The following SRGAP2B variants were observed in gnomAD, a reference collection of about 807,000 sequenced individuals.
SRGAP2B encodes SLIT-ROBO Rho GTPase-activating protein 2B.
Under a neutral mutation model 22.2 loss-of-function variants are expected in SRGAP2B, and 9 were observed. That is an observed-to-expected ratio of 0.41 (90% confidence interval 0.24 to 0.71). SRGAP2B has a LOEUF of 0.71. Ranked by LOEUF, SRGAP2B falls within the 30% of genes least tolerant of loss-of-function variation. The pLI is 0.35. For missense variants in SRGAP2B, 114 were observed against 235.8 expected (o/e 0.48, Z 3.38); for synonymous variants, 36 against 87.4 (o/e 0.41, Z 3.28).
intron 3 of SRGAP2B, chr1:144,965,264 T>A: frequency 2.1e-6 from 1 of 481,628 alleles, no homozygotes; most frequent in Non-Finnish European, 3.8e-6. Context: ...AAGAGAGCAG[T>A]GGTTCTCCCA....
intron 4 of SRGAP2B, among the ~76,000 whole-genome samples, chr1:144,944,586 C>CAAAAAAA (rs3061760): frequency 1.7e-4 from 3 of 17,918 alleles, no homozygotes; most frequent in African/African-American, 6.7e-4. Flanking sequence ...GTCTCCATCT[C>CAAAAAAA]AAAAAAAAAA....
intron 3 of SRGAP2B, among the ~76,000 whole-genome samples, chr1:144,985,536 T>C (rs2102086176): frequency 6.6e-6 from 1 of 151,030 alleles, no homozygotes; most frequent in East Asian, 1.9e-4. Flanking sequence ...CAATGCATTA[T>C]CAATTAGAGT....
At chr1:145,023,064 C>A (rs1252979864) in intron 2 of SRGAP2B, among the ~76,000 whole-genome samples, 1 of 149,204 alleles carries the variant, frequency 6.7e-6, no homozygotes, top group Non-Finnish European at 1.5e-5. Flanking sequence ...ACTTGGGAGG[C>A]TGAGGCAGGA....
chr1:144,922,605 A>G (rs1396930764), intron 4 of SRGAP2B, among the ~76,000 whole-genome samples: 1 of 150,746 alleles, frequency 6.6e-6, no homozygotes, highest in Non-Finnish European at 1.5e-5. Flanking sequence ...TGATGAAGGT[A>G]GGGGTGGCAG....
chr1:145,076,145 A>C (rs1328608174), intron 2 of SRGAP2B, among the ~76,000 whole-genome samples: 3 of 150,022 alleles, frequency 2.0e-5, no homozygotes, highest in African/African-American at 7.5e-5. Context: ...TGCAAAACCT[A>C]CTTTTCTATC....
rs1404343663 is a variant in SRGAP2B, at chr1:144,912,174, G to A, written c.486+2518C>T. Among the ~76,000 whole-genome samples, 60 of 146,218 alleles carry A rather than the reference G, an allele frequency of 4.1e-4. 3 individuals are homozygous for A. Among genetic ancestry groups the A allele is most frequent in the African/African-American group, 1.4e-3 (52 of 37,938 alleles). On this transcript the variant is annotated intron_variant, in intron 5 of 9. Transcript: ENST00000612199. ...TCACCGTGTTAGCCAGGATGGTCTC[G>A]ATCTCCTGACCTCGTGATCTGCCTG...
chr1:144,907,704 C>T lies in SRGAP2B; in HGVS notation c.487-1630G>A, dbSNP rs1470487670. ...GCTGCTGAACATCCCATGCACAGGACGGCCCCCACAACAATTAATTATCTG... is the reference window on the plus strand; with the variant it reads ...GCTGCTGAACATCCCATGCACAGGATGGCCCCCACAACAATTAATTATCTG... On this transcript the variant is annotated intron_variant, in intron 5 of 9. Coordinates refer to ENST00000612199, the Ensembl canonical transcript of SRGAP2B. Among the ~76,000 whole-genome samples the T allele has an allele frequency of 1.6e-4, 24 of 150,168 alleles. 1 individual carries two copies. The highest frequency in any genetic ancestry group is 2.3e-4 in the African/African-American group (9 of 39,902).
At chr1:144,892,647 A>T (rs1369118920) in intron 9 of SRGAP2B, among the ~76,000 whole-genome samples, 1 of 149,692 alleles carries the variant, frequency 6.7e-6, no homozygotes, top group Non-Finnish European at 1.5e-5. Flanking sequence ...TACTTTTAAA[A>T]TTTAATATTA....
chr1:145,082,108 T>C (rs1553634803), intron 2 of SRGAP2B, among the ~76,000 whole-genome samples: 6 of 147,348 alleles, frequency 4.1e-5, no homozygotes, highest in Non-Finnish European at 8.9e-5. Context: ...ATATGCCTTC[T>C]TCCTAAAGGA....
intron 2 of SRGAP2B, among the ~76,000 whole-genome samples, chr1:145,068,895 G>A (rs1416244048): frequency 1.4e-3 from 3 of 2,208 alleles, no homozygotes; most frequent in Non-Finnish European, 2.4e-3. Context: ...AAGGTAAAAT[G>A]TGTGTGTGTG....
chr1:144,943,400 T>A (rs1194200612), intron 4 of SRGAP2B, among the ~76,000 whole-genome samples: 1 of 151,846 alleles, frequency 6.6e-6, no homozygotes, highest in East Asian at 1.9e-4. Context: ...AAACAGTAGA[T>A]TACAAAATAG....
chr1:144,988,801 A>T (rs1312076154), intron 3 of SRGAP2B, among the ~76,000 whole-genome samples: 3 of 148,232 alleles, frequency 2.0e-5, no homozygotes, highest in Non-Finnish European at 4.4e-5. Flanking sequence ...TCAAAGTAGG[A>T]TCACCATTCA....
intron 3 of SRGAP2B, among the ~76,000 whole-genome samples, chr1:144,960,805 C>CA (rs1558782113): frequency 9.4e-6 from 1 of 106,012 alleles, no homozygotes; most frequent in Non-Finnish European, 1.8e-5. Context: ...GAATGCATGG[C>CA]ATGAGGCTGG....
chr1:145,002,173 G>T (rs1341958443), intron 2 of SRGAP2B, among the ~76,000 whole-genome samples: 3 of 70,316 alleles, frequency 4.3e-5, no homozygotes, highest in African/African-American at 7.0e-5. Flanking sequence ...TCCAAAGATA[G>T]TGTGCTTTCT....
At chr1:144,939,802 C>T (rs1383134552) in intron 4 of SRGAP2B, among the ~76,000 whole-genome samples, 1 of 145,832 alleles carries the variant, frequency 6.9e-6, no homozygotes, top group East Asian at 2.0e-4. Flanking sequence ...AAAGAGAATG[C>T]TTTTTCTACT....
chr1:145,030,731 T>A (rs1367167684), intron 2 of SRGAP2B, among the ~76,000 whole-genome samples: 2 of 62,612 alleles, frequency 3.2e-5, no homozygotes, highest in Non-Finnish European at 3.4e-5. Flanking sequence ...AATATATATA[T>A]ATATATATAT....
chr1:144,958,002 C>A (rs1553610651), intron 3 of SRGAP2B, among the ~76,000 whole-genome samples: 1 of 149,670 alleles, frequency 6.7e-6, no homozygotes, highest in Non-Finnish European at 1.5e-5. Context: ...TGCCACAATT[C>A]AATTCCACAA....
intron 3 of SRGAP2B, among the ~76,000 whole-genome samples, chr1:144,969,894 A>G (rs587624538): frequency 1.3e-5 from 2 of 151,058 alleles, no homozygotes; most frequent in East Asian, 3.9e-4. Context: ...CACATGAAAA[A>G]ATGCTCATCA....
At chr1:144,925,704 GAGAA>G (rs1399340227) in intron 4 of SRGAP2B, among the ~76,000 whole-genome samples, 6 of 140,630 alleles carry the variant, frequency 4.3e-5, no homozygotes, top group Non-Finnish European at 9.2e-5. Context: ...CAGAGAGAGA[GAGAA>G]AGAGAGAGAG....
Sources: gnomAD v4.1 joint callset for allele counts (sites outside exome capture counted in the v4.1 genomes callset) on GRCh38, gnomAD v4.1.1 for gene constraint, MANE v1.5 for transcripts, NCBI Gene and HGNC (gene_info 2026-07-23, HGNC 2026-07-21) for gene names.